The following TTC28 variants were observed in gnomAD, a reference collection of about 807,000 sequenced individuals.
TTC28 encodes the protein tetratricopeptide repeat protein 28.
In TTC28, 61 loss-of-function variants were observed where a neutral mutation model predicts 198.0. The ratio of observed to expected loss-of-function variants is 0.31; its 90% CI spans 0.25 to 0.38. The LOEUF (loss-of-function observed/expected upper bound fraction) is 0.38, where lower values mean the gene tolerates loss of function less well. Among genes scored for constraint, TTC28 ranks in the 10% least tolerant of loss-of-function variants. TTC28 has a pLI of 1.00. For synonymous variants in TTC28, 1,171 were observed against 1,297.8 expected (o/e 0.90, Z 2.10); for missense variants, 2,678 against 3,164.0 (o/e 0.85, Z 3.69).
chr22:28,134,760 T>C (rs904007840), intron 6 of TTC28, among the ~76,000 whole-genome samples: 8 of 152,236 alleles, frequency 5.3e-5, no homozygotes, highest in Admixed American at 2.0e-4. Context: ...TGGAACCAAG[T>C]TGGAAAACAC....
At chr22:28,499,890 T>C (rs1210825943) in intron 2 of TTC28, among the ~76,000 whole-genome samples, 1 of 152,146 alleles carries the variant, frequency 6.6e-6, no homozygotes. Context: ...CAGATTGGGG[T>C]AATCAGCATA....
rs764476372 is a variant in TTC28 at position 27,993,325 on chromosome 22, C to T, written c.5438G>A (p.Arg1813Gln). ...GAGTGTGCTGCTGCACTGCTGGAGC[C>T]GGTCGCCCGGGTCGGAGGTTGGGAA... is the stretch of plus-strand genomic sequence containing the variant. ...VFFPTSDPGD[R>Q]LQQCSSTLQS... The change falls in exon 18 of 23, where the codon CGG (arginine) becomes CAG (glutamine). Residue 1813 changes from arginine to glutamine, a missense_variant. By Grantham distance (43) the Arg-to-Gln change is conservative (BLOSUM62 1). Around this residue, in one of 8 missense-constraint regions of TTC28, gnomAD observed 314 missense variants for 442.7 expected, o/e 0.71. Transcript: ENST00000397906. The T allele has an allele frequency of 2.3e-5, 35 of 1,548,348 alleles. No individual in the cohort carries two copies. The highest frequency in any genetic ancestry group is 6.0e-5 in the South Asian group (5 of 83,738).
intron 2 of TTC28, among the ~76,000 whole-genome samples, chr22:28,491,586 C>G (rs914244841): frequency 2.0e-5 from 3 of 152,030 alleles, no homozygotes; most frequent in Non-Finnish European, 2.9e-5. Context: ...GTTAGAATGG[C>G]GATCATTAAA....
At chr22:28,416,870 C>A (rs1055632994) in intron 2 of TTC28, among the ~76,000 whole-genome samples, 1 of 152,138 alleles carries the variant, frequency 6.6e-6, no homozygotes, top group Non-Finnish European at 1.5e-5. Flanking sequence ...ATTTAATCAA[C>A]GAATATTCAC....
At chr22:28,371,743 G>A (rs1253529807) in intron 2 of TTC28, among the ~76,000 whole-genome samples, 9 of 145,086 alleles carry the variant, frequency 6.2e-5, no homozygotes, top group Non-Finnish European at 4.5e-5. Context: ...CACCATGCCC[G>A]GCTAATTTTT....
intron 14 of TTC28, among the ~76,000 whole-genome samples, chr22:28,013,567 C>G (rs1053780652): frequency 1.3e-5 from 2 of 152,158 alleles, no homozygotes; most frequent in Non-Finnish European, 2.9e-5. Context: ...AGGCTGAGGG[C>G]AAGAGGGAGG....
chr22:28,377,222 T>C (rs1345041152), intron 2 of TTC28, among the ~76,000 whole-genome samples: 2 of 145,792 alleles, frequency 1.4e-5, no homozygotes, highest in Admixed American at 6.8e-5. Context: ...AAAAACCATG[T>C]AATACATGGG....
chr22:28,594,795 A>C (rs2050509143), intron 2 of TTC28, among the ~76,000 whole-genome samples: 1 of 152,174 alleles, frequency 6.6e-6, no homozygotes, highest in South Asian at 2.1e-4. Context: ...ATCTCTTGAA[A>C]TCTTCACCAT....
intron 17 of TTC28, chr22:27,994,593 G>A (rs1937517975): frequency 6.6e-6 from 1 of 152,216 alleles, no homozygotes; most frequent in Admixed American, 6.5e-5. Flanking sequence ...TCCCTCAGGA[G>A]CGGGGGGCCT....
intron 12 of TTC28, among the ~76,000 whole-genome samples, chr22:28,075,783 T>C (rs914268359): frequency 1.3e-5 from 2 of 152,222 alleles, no homozygotes; most frequent in Non-Finnish European, 2.9e-5. Context: ...ATGTCACCTC[T>C]TTGGAAGCCT....
intron 5 of TTC28, among the ~76,000 whole-genome samples, chr22:28,170,476 G>A (rs1412190070): frequency 6.9e-6 from 1 of 144,960 alleles, no homozygotes; most frequent in South Asian, 2.2e-4. Context: ...GTGACAGAGC[G>A]AGACTCCGTC....
At chr22:28,389,531 G>T (rs1267781850) in intron 2 of TTC28, among the ~76,000 whole-genome samples, 1 of 148,582 alleles carries the variant, frequency 6.7e-6, no homozygotes, top group Non-Finnish European at 1.5e-5. Flanking sequence ...CCTGTTATTG[G>T]TCTATTCAGA....
At chr22:28,369,883 T>C (rs2046305157) in intron 2 of TTC28, among the ~76,000 whole-genome samples, 1 of 152,218 alleles carries the variant, frequency 6.6e-6, no homozygotes, top group South Asian at 2.1e-4. Context: ...AAATCATATA[T>C]ATGCTTCATT....
rs370373306 is a variant in TTC28, at chr22:27,987,711, A to G, written c.5707+2167T>C. On this transcript the variant is annotated intron_variant, in intron 21 of 22. Transcript: ENST00000397906. The stretch of plus-strand genomic sequence containing the variant: ...GTAATAGAGTAAGACCCTGTCTCCA[A>G]AAAAAAAAAGGTTGTGGTTGTGGCT... 1.4e-3 allele frequency among the ~76,000 whole-genome samples: 208 copies of G among 149,214 alleles called. 1 individual carries two copies. The highest frequency in any genetic ancestry group is 4.8e-3 in the African/African-American group (198 of 41,024).
chr22:28,315,734 T>C (rs2045341529), intron 2 of TTC28, among the ~76,000 whole-genome samples: 1 of 152,206 alleles, frequency 6.6e-6, no homozygotes, highest in Non-Finnish European at 1.5e-5. Flanking sequence ...TTCTGTTCTA[T>C]TGATATTTAT....
chr22:28,273,229 A>G (rs1932204978), intron 5 of TTC28, among the ~76,000 whole-genome samples: 3 of 152,218 alleles, frequency 2.0e-5, no homozygotes, highest in African/African-American at 7.2e-5. Context: ...TTCTCCTAAC[A>G]TATTTTATAT....
At chr22:28,279,831 T>TA (rs1396663089) in intron 5 of TTC28, among the ~76,000 whole-genome samples, 1 of 152,248 alleles carries the variant, frequency 6.6e-6, no homozygotes, top group Non-Finnish European at 1.5e-5. Flanking sequence ...CTGTTTTCGC[T>TA]ACGGATTAGT....
At chr22:28,190,782 C>A (rs938617636) in intron 5 of TTC28, among the ~76,000 whole-genome samples, 1 of 152,200 alleles carries the variant, frequency 6.6e-6, no homozygotes, top group African/African-American at 2.4e-5. Flanking sequence ...CATCTAAACA[C>A]ATTTCACTCT....
intron 2 of TTC28, among the ~76,000 whole-genome samples, chr22:28,448,163 G>C (rs893914364): frequency 3.9e-5 from 6 of 152,178 alleles, no homozygotes; most frequent in Admixed American, 3.9e-4. Context: ...TCCCAGGTCT[G>C]TAGGTATTTT....
Sources: gnomAD v4.1 joint callset for allele counts (sites outside exome capture counted in the v4.1 genomes callset) on GRCh38, gnomAD v4.1.1 for gene constraint, gnomAD v4.1.1 regional missense constraint, MANE v1.5 for transcripts, NCBI Gene and HGNC (gene_info 2026-07-23, HGNC 2026-07-21) for gene names.